Variants in KCNH1 observed in about 807,000 individuals in gnomAD.
KCNH1 encodes the protein potassium voltage-gated channel subfamily H member 1.
In KCNH1, 27 loss-of-function variants were observed where a neutral mutation model predicts 69.2. The observed-to-expected ratio is 0.39, with a 90% CI of 0.29 to 0.54. The LOEUF (loss-of-function observed/expected upper bound fraction) is 0.54. Among genes scored for constraint, KCNH1 ranks in the 20% least tolerant of loss-of-function variants. The probability of loss-of-function intolerance (pLI) is 0.68; values close to 1 mark genes in which losing one functional copy is unlikely to be tolerated. For synonymous variants in KCNH1, 456 were observed against 487.7 expected (o/e 0.93, Z 0.86); for missense variants, 798 against 1,261.6 (o/e 0.63, Z 5.57).
At chr1:210,737,438 A>G (rs56285773) in intron 10 of KCNH1, among the ~76,000 whole-genome samples, 2,047 of 152,322 alleles carry the variant, frequency 0.013, 33 homozygotes, top group African/African-American at 0.047. Context: ...TTTTGAGTCA[A>G]TTAATATTTA....
chr1:211,127,036 T>C (rs1691789210), intron 1 of KCNH1, among the ~76,000 whole-genome samples: 1 of 152,202 alleles, frequency 6.6e-6, no homozygotes, highest in Admixed American at 6.5e-5. Flanking sequence ...TGAATCAGTA[T>C]AACATCCCTT....
intron 6 of KCNH1, among the ~76,000 whole-genome samples, chr1:211,014,380 T>C (rs1028004995): frequency 2.0e-5 from 3 of 152,188 alleles, no homozygotes; most frequent in African/African-American, 7.2e-5. Flanking sequence ...TTTTAACTAA[T>C]GTGCAAACAT....
At chr1:210,873,686 C>T (rs1275807685) in intron 7 of KCNH1, among the ~76,000 whole-genome samples, 1 of 151,730 alleles carries the variant, frequency 6.6e-6, no homozygotes, top group Non-Finnish European at 1.5e-5. Context: ...ATCTTATGCC[C>T]CTGATTCAAA....
intron 7 of KCNH1, among the ~76,000 whole-genome samples, chr1:210,894,767 A>G (rs59317819): frequency 6.6e-6 from 1 of 152,200 alleles, no homozygotes; most frequent in African/African-American, 2.4e-5. Context: ...ATTATGATGC[A>G]TCATGAAGGC....
In KCNH1 at chr1:210,683,743, G is replaced by A; in HGVS notation, c.2508C>T (p.Ser836=). 1 of 1,614,124 alleles carries A rather than the reference G, an allele frequency of 6.2e-7. No homozygotes were observed. Among genetic ancestry groups the A allele is most frequent in the Non-Finnish European group, 8.5e-7 (1 of 1,180,050 alleles). The part of the protein sequence containing the change: ...GGGGDCAKRK[S]WARFKDACGK... Reference sequence around the variant, plus strand: ...CGCAAGCATCTTTGAAGCGGGCCCAGCTTTTGCGCTTGGCACAATCGCCCC... The same window carrying A: ...CGCAAGCATCTTTGAAGCGGGCCCAACTTTTGCGCTTGGCACAATCGCCCC... Residue 836 remains serine, a synonymous_variant, in exon 11 of 11, where the codon AGC becomes AGT. Transcript: ENST00000271751. The surrounding 1 kb of genome is among the most constrained non-coding windows in gnomAD (Gnocchi z 5.7).
intron 10 of KCNH1, among the ~76,000 whole-genome samples, chr1:210,764,205 T>C (rs901466796): frequency 6.6e-6 from 1 of 152,104 alleles, no homozygotes. Context: ...TCTCACCATA[T>C]ACAGAAATTA....
intron 9 of KCNH1, among the ~76,000 whole-genome samples, chr1:210,796,662 C>T (rs74156079): frequency 0.032 from 4,898 of 152,188 alleles, 261 homozygotes; most frequent in African/African-American, 0.11. Flanking sequence ...CCTCCTTCCC[C>T]GCCACAGCAA....
At chr1:211,097,325 G>A (rs913279295) in intron 3 of KCNH1, among the ~76,000 whole-genome samples, 1 of 151,900 alleles carries the variant, frequency 6.6e-6, no homozygotes, top group Non-Finnish European at 1.5e-5. Flanking sequence ...AGGAAAAAAA[G>A]GAAACGTATT....
intron 10 of KCNH1, among the ~76,000 whole-genome samples, chr1:210,734,192 A>G (rs765045242): frequency 2.9e-4 from 44 of 152,234 alleles, no homozygotes; most frequent in Non-Finnish European, 5.9e-4. Flanking sequence ...AACTCATAAA[A>G]GAGATAAACT....
intron 7 of KCNH1, among the ~76,000 whole-genome samples, chr1:210,839,482 G>T (rs932873180): frequency 5.3e-5 from 8 of 152,140 alleles, no homozygotes; most frequent in Non-Finnish European, 1.0e-4. Flanking sequence ...TGGATGCTGG[G>T]CTTAATACCT....
chr1:210,883,570 T>C (rs1268242442), intron 7 of KCNH1, among the ~76,000 whole-genome samples: 1 of 152,252 alleles, frequency 6.6e-6, no homozygotes, highest in Non-Finnish European at 1.5e-5. Flanking sequence ...TTACTAGCTA[T>C]GTGACCTTGA....
chr1:210,709,718 AAAGAAG>A (rs146512258), intron 10 of KCNH1, among the ~76,000 whole-genome samples: 152 of 135,468 alleles, frequency 1.1e-3, no homozygotes, highest in African/African-American at 4.2e-3. Context: ...AGAAAGAAAG[AAAGAAG>A]AGAGAGAGAG....
chr1:210,963,032 G>A (rs1406118974), intron 6 of KCNH1, among the ~76,000 whole-genome samples: 1 of 151,082 alleles, frequency 6.6e-6, no homozygotes, highest in Non-Finnish European at 1.5e-5. Flanking sequence ...ATTGCTTTGT[G>A]GAACTTTTCT....
At chr1:210,899,477 A>G (rs1004795421) in intron 7 of KCNH1, among the ~76,000 whole-genome samples, 1 of 133,730 alleles carries the variant, frequency 7.5e-6, no homozygotes, top group African/African-American at 3.3e-5. Context: ...TGAGATATAT[A>G]TCTCACTTAT....
chr1:210,866,092 C>T (rs1423190724), intron 7 of KCNH1, among the ~76,000 whole-genome samples: 1 of 152,122 alleles, frequency 6.6e-6, no homozygotes, highest in African/African-American at 2.4e-5. Context: ...GGACCCCTAC[C>T]TCACACCATA....
intron 10 of KCNH1, among the ~76,000 whole-genome samples, chr1:210,708,149 G>C (rs1256750400): frequency 6.6e-6 from 1 of 152,130 alleles, no homozygotes; most frequent in African/African-American, 2.4e-5. Flanking sequence ...GGCAAAGAAG[G>C]GGTGTCCCCC....
chr1:210,916,583 G>A (rs533929419), intron 7 of KCNH1, among the ~76,000 whole-genome samples: 57 of 152,272 alleles, frequency 3.7e-4, no homozygotes, highest in Middle Eastern at 3.4e-3. Flanking sequence ...AGAGAGATCT[G>A]GATCTGAATC....
chr1:210,736,167 T>C (rs1682874544), intron 10 of KCNH1, among the ~76,000 whole-genome samples: 1 of 152,166 alleles, frequency 6.6e-6, no homozygotes, highest in Non-Finnish European at 1.5e-5. Context: ...TGCCTCAGCC[T>C]CCTGAGTAGC....
intron 6 of KCNH1, among the ~76,000 whole-genome samples, chr1:210,972,860 G>C (rs1485017218): frequency 6.7e-6 from 1 of 149,276 alleles, no homozygotes; most frequent in Non-Finnish European, 1.5e-5. Context: ...CTACAATCTT[G>C]CTTGAGTTTG....
Sources: gnomAD v4.1 joint callset for allele counts (sites outside exome capture counted in the v4.1 genomes callset) on GRCh38, gnomAD v4.1.1 for gene constraint, Gnocchi (gnomAD v3.1) non-coding constraint, MANE v1.5 for transcripts, NCBI Gene and HGNC (gene_info 2026-07-23, HGNC 2026-07-21) for gene names.